Variants in NPC1 observed in about 807,000 individuals in gnomAD.
The protein encoded by NPC1 is Niemann-Pick C1 protein.
In NPC1, 85 loss-of-function variants were observed where a neutral mutation model predicts 140.4. The ratio of observed to expected loss-of-function variants is 0.61; its 90% CI spans 0.51 to 0.72. NPC1 has a LOEUF of 0.72. NPC1 is among the 30% of genes least tolerant of loss of function. NPC1 has a pLI of 0.00. For synonymous variants in NPC1, 656 were observed against 624.8 expected, an observed-to-expected ratio of 1.05 and a Z score of -0.74; for missense variants, 1,504 against 1,623.8, an observed-to-expected ratio of 0.93 and a Z score of 1.27.
intron 12 of NPC1, 84 bp downstream of exon 12, chr18:23,544,876 A>G (rs2058761350): frequency 1.0e-6 from 1 of 995,076 alleles, no homozygotes; most frequent in Non-Finnish European, 1.6e-6. Flanking sequence ...ACATAATGGA[A>G]TAAGAATAAA....
chr18:23,539,596 C>A (rs2058683294), intron 18 of NPC1, 126 bp from the exon 19 acceptor site: 1 of 802,828 alleles, frequency 1.2e-6, no homozygotes, highest in African/African-American at 1.7e-5. Flanking sequence ...AGAAAAACTA[C>A]ATGAGCACTT....
intron 3 of NPC1, 40 bp downstream of exon 3, chr18:23,572,034 A>G (rs571350259): frequency 7.6e-7 from 1 of 1,316,326 alleles, no homozygotes; most frequent in South Asian, 1.2e-5. Flanking sequence ...GTTCACAAGT[A>G]TCTACAGCCC....
chr18:23,540,962 T>A, intron 16 of NPC1, 106 bp downstream of exon 16: 1 of 1,335,662 alleles, frequency 7.5e-7, no homozygotes, highest in South Asian at 1.2e-5. Context: ...TTAGATACAT[T>A]TTAACAGCTT....
intron 3 of NPC1, chr18:23,516,247 G>T (rs1005246041): frequency 2.9e-5 from 44 of 1,535,866 alleles, no homozygotes; most frequent in Non-Finnish European, 3.9e-5. Flanking sequence ...ATCCTTGTTG[G>T]TTTTACACAG....
chr18:23,572,317 AGTT>A, intron 2 of NPC1, 137 bp from the exon 3 acceptor site: 1 of 668,404 alleles, frequency 1.5e-6, no homozygotes, highest in Non-Finnish European at 2.8e-6. Flanking sequence ...GTATTTGCAA[AGTT>A]ATTATAGAAT....
At chr18:23,556,167 A>T in intron 8 of NPC1, 76 bp downstream of exon 8, 1 of 1,272,238 alleles carries the variant, frequency 7.9e-7, no homozygotes, top group South Asian at 1.2e-5. Flanking sequence ...ATCCCCATCT[A>T]GCAGTAGTCA....
chr18:23,550,959 A>T (rs2058863172), intron 10 of NPC1, among the ~76,000 whole-genome samples: 1 of 152,138 alleles, frequency 6.6e-6, no homozygotes, highest in African/African-American at 2.4e-5. Flanking sequence ...TTAAATACAG[A>T]TTGCAACTTC....
At chr18:23,564,965 T>C (rs2059101577) in intron 4 of NPC1, among the ~76,000 whole-genome samples, 1 of 152,230 alleles carries the variant, frequency 6.6e-6, no homozygotes, top group African/African-American at 2.4e-5. Context: ...CCTGGCACCC[T>C]TGTCAAAAAT....
At chr18:23,577,689 C>T (rs1026211402) in intron 1 of NPC1, among the ~76,000 whole-genome samples, 2 of 152,156 alleles carry the variant, frequency 1.3e-5, no homozygotes, top group Non-Finnish European at 2.9e-5. Context: ...GGGTGGCGCT[C>T]GTCGGGGAGG....
chr18:23,527,729 C>A, downstream of NPC1: 2 of 1,239,740 alleles, frequency 1.6e-6, no homozygotes, highest in Non-Finnish European at 2.4e-6. Context: ...ATCATAGCAA[C>A]GTGTGGAAAT....
chr18:23,575,817 T>C (rs1599016002), intron 1 of NPC1, among the ~76,000 whole-genome samples: 1 of 132,894 alleles, frequency 7.5e-6, no homozygotes, highest in Admixed American at 7.8e-5. Flanking sequence ...CTGGAAGTGG[T>C]GGCTCACGCC....
chr18:23,507,140 GA>G (rs2057736103), intron 3 of NPC1: 2 of 942,280 alleles, frequency 2.1e-6, no homozygotes, highest in South Asian at 3.1e-5. Flanking sequence ...AGTGTTAAAG[GA>G]AACTTTTATT....
chr18:23,561,555 G>C (rs2059039735), intron 4 of NPC1, 28 bp from the exon 5 acceptor site: 2 of 1,611,620 alleles, frequency 1.2e-6, no homozygotes, highest in Non-Finnish European at 1.7e-6. Flanking sequence ...AAGGAAAAAG[G>C]AGACAAGATG....
At chr18:23,564,317 T>A (rs1205342067) in intron 4 of NPC1, among the ~76,000 whole-genome samples, 1 of 152,132 alleles carries the variant, frequency 6.6e-6, no homozygotes, top group Non-Finnish European at 1.5e-5. Flanking sequence ...TACAAGTCCC[T>A]TATCAAATAT....
rs1422381609 is a variant in NPC1, at chr18:23,557,197, A to G, written c.882-7T>C. On this transcript the variant is annotated splice_region_variant and splice_polypyrimidine_tract_variant and intron_variant, in intron 6 of 24. Transcript: ENST00000269228. ...GGAGACAAAATACCGTTTTCTGAAA[A>G]ACAGAAGTGAAGAAATAGCATTAGT... The G allele has an allele frequency of 1.2e-6, 2 of 1,608,104 alleles. No homozygotes were observed. Among genetic ancestry groups the G allele is most frequent in the African/African-American group, 2.7e-5 (2 of 74,858 alleles).
chr18:23,586,240 C>T lies in NPC1; in HGVS notation c.57+47G>A, dbSNP rs770583678. ...GCCCGTCGCCTTCCCCGGCTCTCGG[C>T]CCCGCCACGTCCCCACAGGGCGTCC... On this transcript the variant is annotated intron_variant, in intron 1 of 24. Coordinates refer to ENST00000269228, the MANE Select transcript of NPC1 (RefSeq NM_000271.5). 12 of 1,524,726 alleles carry T rather than the reference C, an allele frequency of 7.9e-6. No individual in the cohort carries two copies. The South Asian group carries it at 1.3e-4, about 17-fold the overall frequency. The allele number at this position is 1,524,726 out of a possible 1,614,324, so 94.4% of individuals were successfully genotyped here.
intron 13 of NPC1, 149 bp downstream of exon 13, chr18:23,544,195 C>T: frequency 1.3e-6 from 1 of 758,128 alleles, no homozygotes; most frequent in Admixed American, 2.0e-5. Flanking sequence ...CTAAGATGTC[C>T]ACAGCAAGTC....
At chr18:23,576,453 C>T in intron 1 of NPC1, 1 of 985,874 alleles carries the variant, frequency 1.0e-6, no homozygotes, top group Admixed American at 6.1e-5. Context: ...AAAGAAGCAA[C>T]CTAAGCCAGC....
At chr18:23,540,416 T>C in intron 17 of NPC1, 32 bp downstream of exon 17, 1 of 1,241,880 alleles carries the variant, frequency 8.1e-7, no homozygotes, top group South Asian at 1.3e-5. Context: ...GCTAAAGAAG[T>C]TAAAAAAAAA....
Sources: allele counts gnomAD v4.1 joint callset (sites outside exome capture counted in the v4.1 genomes callset), GRCh38; gene constraint gnomAD v4.1.1; transcripts MANE v1.5; gene names NCBI Gene and HGNC (gene_info 2026-07-23, HGNC 2026-07-21).